Variants in APPL2 observed in about 807,000 individuals in gnomAD.
APPL2 encodes DCC-interacting protein 13-beta.
Under a neutral mutation model 92.7 loss-of-function variants are expected in APPL2, and 84 were observed. The ratio of observed to expected loss-of-function variants is 0.91; its 90% CI spans 0.76 to 1.09. APPL2 has a LOEUF of 1.09. Ranked by LOEUF, APPL2 falls within the 50% of genes least tolerant of loss-of-function variation. The pLI is 0.00. For synonymous variants in APPL2, 291 were observed against 291.0 expected, an observed-to-expected ratio of 1.00 and a Z score of 0.00; for missense variants, 736 against 824.5, an observed-to-expected ratio of 0.89 and a Z score of 1.31.
intron 20 of APPL2, among the ~76,000 whole-genome samples, chr12:105,174,876 T>TGGGGGGGGGGGGGGGGGGGGGGGGG (rs59473626): frequency 1.1e-5 from 1 of 89,008 alleles, no homozygotes; most frequent in Non-Finnish European, 2.3e-5. Flanking sequence ...TTTTTTTTGG[T>TGGGGGGGGGGGGGGGGGGGGGGGGG]GGGGGGGGGG....
At chr12:105,205,072 C>A (rs1012592189) in intron 8 of APPL2, among the ~76,000 whole-genome samples, 1 of 152,174 alleles carries the variant, frequency 6.6e-6, no homozygotes, top group Non-Finnish European at 1.5e-5. Flanking sequence ...CCACAACTGC[C>A]TTAGTGAGCA....
At chr12:105,206,667 C>T (rs142550916) in intron 8 of APPL2, among the ~76,000 whole-genome samples, 47 of 152,242 alleles carry the variant, frequency 3.1e-4, no homozygotes, top group African/African-American at 8.4e-4. Context: ...GCCAGCAGAG[C>T]GGGGGCCTTA....
intron 17 of APPL2, among the ~76,000 whole-genome samples, chr12:105,179,137 GAC>G (rs1885860139): frequency 1.3e-5 from 2 of 151,930 alleles, no homozygotes; most frequent in South Asian, 4.2e-4. Context: ...CCCTCCCCTT[GAC>G]ACCCACCCAC....
rs969875817 is a variant in APPL2, at chr12:105,206,194, G to GC, written c.621+866_621+867insG. ...TGAATGACACTGACGTGAAGTTTTT[G>GC]TTTTTTAATATATGTGCCTTAAAAA... is the stretch of plus-strand genomic sequence containing the variant. On this transcript the variant is annotated intron_variant, in intron 8 of 20. Transcript: ENST00000258530. 2.6e-5 allele frequency among the ~76,000 whole-genome samples: 4 copies of GC among 152,158 alleles called. No homozygotes were observed. The East Asian group carries it at 7.7e-4, about 29-fold the overall frequency.
At chr12:105,223,616 A>AC (rs1890285610) in intron 2 of APPL2, among the ~76,000 whole-genome samples, 1 of 152,216 alleles carries the variant, frequency 6.6e-6, no homozygotes. Flanking sequence ...GGAGGCCAAG[A>AC]CCAGACTGAG....
chr12:105,231,440 A>G (rs1347915982), intron 1 of APPL2, among the ~76,000 whole-genome samples: 1 of 152,178 alleles, frequency 6.6e-6, no homozygotes, highest in Non-Finnish European at 1.5e-5. Flanking sequence ...TCTTCTAGCA[A>G]CTCTCCAAGG....
chr12:105,180,494 T>TAGAA (rs1343216809), intron 17 of APPL2, among the ~76,000 whole-genome samples: 6 of 152,208 alleles, frequency 3.9e-5, no homozygotes, highest in African/African-American at 1.4e-4. Flanking sequence ...TTAAAGTAGT[T>TAGAA]TTTTCTAACT....
chr12:105,187,770 G>A (rs1051839424), intron 17 of APPL2, among the ~76,000 whole-genome samples: 1 of 152,084 alleles, frequency 6.6e-6, no homozygotes, highest in African/African-American at 2.4e-5. Flanking sequence ...TAGTTTTGCT[G>A]CAGATGCTAC....
chr12:105,194,350 A>G (rs1188954340), intron 14 of APPL2, among the ~76,000 whole-genome samples: 1 of 152,230 alleles, frequency 6.6e-6, no homozygotes, highest in Non-Finnish European at 1.5e-5. Context: ...GCTCTAAATG[A>G]TAACAGTAAA....
chr12:105,180,243 C>T (rs1592753693), intron 17 of APPL2, among the ~76,000 whole-genome samples: 1 of 152,296 alleles, frequency 6.6e-6, no homozygotes, highest in South Asian at 2.1e-4. Flanking sequence ...GTCCTTTCCT[C>T]ATTTCTTGTT....
intron 17 of APPL2, among the ~76,000 whole-genome samples, chr12:105,187,940 T>C (rs1027841008): frequency 3.3e-5 from 5 of 151,800 alleles, no homozygotes; most frequent in African/African-American, 1.2e-4. Flanking sequence ...TTTTTTCCAT[T>C]ATTTTTTATA....
At position 105,207,208 on chromosome 12, in the gene APPL2, C is replaced by T; in HGVS notation, c.475-1G>A. 2 of 1,612,004 alleles carry T rather than the reference C, an allele frequency of 1.2e-6. No individual in the cohort carries two copies. The highest frequency in any genetic ancestry group is 1.7e-6 in the Non-Finnish European group (2 of 1,179,388). Reference sequence around the variant, plus strand: ...CCTCTTTTCCGACTTCGGTCTTCACCTGGTTAAAAGGTGAAAGGAAAACTT... The same window carrying T: ...CCTCTTTTCCGACTTCGGTCTTCACTTGGTTAAAAGGTGAAAGGAAAACTT... On this transcript the variant is annotated splice_acceptor_variant, in intron 7 of 20. Coordinates refer to ENST00000258530, the MANE Select transcript of APPL2 (RefSeq NM_018171.5). LOFTEE classifies it high-confidence loss of function.
intron 17 of APPL2, among the ~76,000 whole-genome samples, chr12:105,183,870 TCTCC>T (rs1592759872): frequency 6.6e-6 from 1 of 152,214 alleles, no homozygotes; most frequent in African/African-American, 2.4e-5. Flanking sequence ...TTGGTTCCAT[TCTCC>T]CTGTCACTTT....
At chr12:105,185,770 A>G (rs1886549337) in intron 17 of APPL2, among the ~76,000 whole-genome samples, 2 of 152,096 alleles carry the variant, frequency 1.3e-5, no homozygotes, top group African/African-American at 4.8e-5. Context: ...CTCAGAACCT[A>G]TTCCACTGCA....
chr12:105,206,969 T>C, intron 8 of APPL2, 92 bp downstream of exon 8: 1 of 1,475,994 alleles, frequency 6.8e-7, no homozygotes, highest in South Asian at 1.4e-5. Flanking sequence ...TATGTTTCTT[T>C]CTACGACGAT....
chr12:105,229,301 C>T (rs1341519382), intron 1 of APPL2, 78 bp from the exon 2 acceptor site: 37 of 1,296,256 alleles, frequency 2.9e-5, no homozygotes, highest in Middle Eastern at 1.8e-4. Flanking sequence ...TCCACACACC[C>T]GCACATGCAG....
chr12:105,211,318 C>G lies in APPL2; in HGVS notation c.286-1G>C. On this transcript the variant is annotated splice_acceptor_variant, in intron 4 of 20. Coordinates refer to ENST00000258530, the MANE Select transcript of APPL2 (RefSeq NM_018171.5). LOFTEE classifies it high-confidence loss of function. ...CCAGCTCTGTATGGAGAAGATTAAGCTGAAAGAAAGAGAATGGTATTCAAG... is the reference window on the plus strand; with the variant it reads ...CCAGCTCTGTATGGAGAAGATTAAGGTGAAAGAAAGAGAATGGTATTCAAG... 2 of 1,605,030 alleles carry G rather than the reference C, an allele frequency of 1.2e-6. No individual in the cohort carries two copies. The highest frequency in any genetic ancestry group is 1.7e-5 in the Admixed American group (1 of 59,936).
Position 105,236,089 on chromosome 12 carries a change from G to C in APPL2, c.-77C>G. Reference sequence around the variant, plus strand: ...ACGCGGCGGCCGAGAGCACTCCCCGGCTCTGGGCTCAGGCGACGCGGCGGC... The same window carrying C: ...ACGCGGCGGCCGAGAGCACTCCCCGCCTCTGGGCTCAGGCGACGCGGCGGC... On this transcript the variant is annotated 5_prime_UTR_variant, in exon 1 of 21. Coordinates refer to ENST00000258530, the MANE Select transcript of APPL2 (RefSeq NM_018171.5). The C allele has an allele frequency of 1.9e-6, 2 of 1,075,678 alleles. No homozygotes were observed. The highest frequency in any genetic ancestry group is 2.3e-6 in the Non-Finnish European group (2 of 853,006). The allele number at this position is 1,075,678 out of a possible 1,614,324, so 66.6% of individuals were successfully genotyped here.
chr12:105,196,745 C>G (rs1442014629), intron 11 of APPL2, among the ~76,000 whole-genome samples: 3 of 152,144 alleles, frequency 2.0e-5, no homozygotes, highest in Admixed American at 6.5e-5. Flanking sequence ...CCAGCCGAGG[C>G]TTTAACTTTT....
Sources: gnomAD v4.1 joint callset for allele counts (sites outside exome capture counted in the v4.1 genomes callset) on GRCh38, gnomAD v4.1.1 for gene constraint, MANE v1.5 for transcripts, NCBI Gene and HGNC (gene_info 2026-07-23, HGNC 2026-07-21) for gene names.